CUX1: variants seen among roughly 807,000 people sequenced by gnomAD.
CUX1 encodes cut like homeobox 1.
In CUX1, 31 loss-of-function variants were observed where a neutral mutation model predicts 158.8. That is an observed-to-expected ratio of 0.20 (90% CI 0.15 to 0.26). The LOEUF (loss-of-function observed/expected upper bound fraction) is 0.26. CUX1 is among the 10% of genes least tolerant of loss of function. CUX1 has a pLI of 1.00. For missense variants in CUX1, 1,589 were observed against 2,014.6 expected (o/e 0.79, Z 4.04); for synonymous variants, 879 against 862.1 (o/e 1.02, Z -0.34).
At chr7:102,060,894 G>C (rs1198589534) in intron 3 of CUX1, among the ~76,000 whole-genome samples, 2 of 139,486 alleles carry the variant, frequency 1.4e-5, no homozygotes, top group African/African-American at 5.5e-5. Flanking sequence ...TTACAGGTGT[G>C]AACCACCGCG....
chr7:101,938,127 T>TG (rs1440804411), intron 2 of CUX1, among the ~76,000 whole-genome samples: 1 of 151,904 alleles, frequency 6.6e-6, no homozygotes, highest in East Asian at 1.9e-4. Flanking sequence ...ATTTTTTTTT[T>TG]TTTTTGAGAC....
intron 1 of CUX1, among the ~76,000 whole-genome samples, chr7:101,843,050 T>C (rs1286776197): frequency 1.3e-5 from 2 of 151,756 alleles, no homozygotes; most frequent in Non-Finnish European, 2.9e-5. Flanking sequence ...TATTTTTTAG[T>C]ACAGACGGAG....
intron 5 of CUX1, among the ~76,000 whole-genome samples, chr7:102,101,817 C>T (rs1236922933): frequency 3.3e-5 from 5 of 151,860 alleles, no homozygotes; most frequent in Admixed American, 3.3e-4. Context: ...GAGACTGAGG[C>T]ACGAGAATTG....
At chr7:102,076,868 T>C (rs1826786531) in intron 4 of CUX1, among the ~76,000 whole-genome samples, 4 of 151,758 alleles carry the variant, frequency 2.6e-5, no homozygotes, top group Admixed American at 2.6e-4. Flanking sequence ...ACCCCGTCTC[T>C]ACAAAAGATA....
chr7:102,223,786 T>C (rs1229263922), intron 20 of CUX1, among the ~76,000 whole-genome samples: 2 of 152,064 alleles, frequency 1.3e-5, no homozygotes, highest in African/African-American at 4.8e-5. Context: ...CTGGCCAACA[T>C]TGTGAAACCC....
upstream of CUX1, chr7:101,817,384 G>A (rs1340325375): frequency 1.0e-6 from 1 of 984,706 alleles, no homozygotes; most frequent in Non-Finnish European, 1.2e-6. This position sits in a 1 kb window ranked among gnomAD's most constrained non-coding sequence, Gnocchi z 4.1. Flanking sequence ...TCTCGGGCCG[G>A]GTTCTCGAAA....
intron 20 of CUX1, among the ~76,000 whole-genome samples, chr7:102,211,937 C>T (rs1305248248): frequency 6.6e-6 from 1 of 152,092 alleles, no homozygotes; most frequent in Non-Finnish European, 1.5e-5. Flanking sequence ...GCTGGGGGGC[C>T]GCCCCAAGAG....
At chr7:101,847,982 C>T (rs746956237) in intron 1 of CUX1, among the ~76,000 whole-genome samples, 3 of 142,392 alleles carry the variant, frequency 2.1e-5, no homozygotes, top group East Asian at 2.1e-4. Flanking sequence ...CACTTGAACC[C>T]GGGAGCCAGA....
At chr7:102,169,526 C>T (rs1403412382) in intron 9 of CUX1, among the ~76,000 whole-genome samples, 1 of 152,352 alleles carries the variant, frequency 6.6e-6, no homozygotes, top group East Asian at 1.9e-4. Flanking sequence ...TAAGCCGGCA[C>T]AAGGCCATTC....
intron 2 of CUX1, among the ~76,000 whole-genome samples, chr7:101,946,987 G>A (rs976320122): frequency 2.6e-5 from 4 of 152,228 alleles, no homozygotes; most frequent in Non-Finnish European, 4.4e-5. Context: ...GTGTCACCCA[G>A]GGTTTCAGCT....
rs1039424016 is a variant in CUX1, at chr7:102,014,893, A to G, written c.142-13205A>G. 4.0e-5 allele frequency among the ~76,000 whole-genome samples: 6 copies of G among 151,730 alleles called. No homozygotes were observed. In the South Asian group the frequency reaches 1.2e-3, roughly 32 times the overall value. ...AAAAAAAGAAAAAAAGCATCTAAAA[A>G]TTGTGAGGTTACCGCTTAGCTCTGT... On this transcript the variant is annotated intron_variant, in intron 2 of 23. Transcript: ENST00000292535.
At chr7:101,914,936 C>T (rs991339983) in intron 1 of CUX1, among the ~76,000 whole-genome samples, 2 of 152,130 alleles carry the variant, frequency 1.3e-5, no homozygotes, top group Non-Finnish European at 2.9e-5. Flanking sequence ...AGGAGGAAAG[C>T]CTGTGGGACT....
chr7:101,820,763 ATTG>A (rs1792377542), intron 1 of CUX1, among the ~76,000 whole-genome samples: 1 of 152,228 alleles, frequency 6.6e-6, no homozygotes, highest in Non-Finnish European at 1.5e-5. Flanking sequence ...ACCCGGAAGA[ATTG>A]TTTTGTGTAA....
chr7:101,854,343 A>T (rs1252989966), intron 1 of CUX1, among the ~76,000 whole-genome samples: 1 of 152,140 alleles, frequency 6.6e-6, no homozygotes, highest in Admixed American at 6.6e-5. Context: ...CTGCAGAGCA[A>T]CTTTATGAAA....
chr7:102,187,031 C>CA (rs1230172814), intron 11 of CUX1: 51 of 146,700 alleles, frequency 3.5e-4, no homozygotes, highest in South Asian at 1.5e-3. Context: ...GACTCCATCT[C>CA]AAAAAAAAAA....
chr7:101,835,282 A>C (rs6945158), intron 1 of CUX1, among the ~76,000 whole-genome samples: 1 of 152,142 alleles, frequency 6.6e-6, no homozygotes, highest in Admixed American at 6.5e-5. Flanking sequence ...CACGTAGCAC[A>C]GTGTTTGCGG....
upstream of CUX1, chr7:101,816,020 T>A: frequency 7.1e-7 from 1 of 1,416,822 alleles, no homozygotes; most frequent in East Asian, 3.6e-5. Context: ...TCCGTCTCAA[T>A]ATGTCTCAAG....
At chr7:102,005,299 G>C (rs1230713873) in intron 2 of CUX1, among the ~76,000 whole-genome samples, 2 of 152,192 alleles carry the variant, frequency 1.3e-5, no homozygotes, top group Non-Finnish European at 2.9e-5. Context: ...ATTACCTGAG[G>C]CCAGGAGTTC....
At chr7:101,854,831 G>A (rs1233622794) in intron 1 of CUX1, among the ~76,000 whole-genome samples, 2 of 152,084 alleles carry the variant, frequency 1.3e-5, no homozygotes, top group South Asian at 2.1e-4. Context: ...TGCAACCTCC[G>A]CCTCCTGGGT....
Sources: gnomAD v4.1 joint callset for allele counts (sites outside exome capture counted in the v4.1 genomes callset) on GRCh38, gnomAD v4.1.1 for gene constraint, Gnocchi (gnomAD v3.1) non-coding constraint, MANE v1.5 for transcripts, NCBI Gene and HGNC (gene_info 2026-07-23, HGNC 2026-07-21) for gene names.